LOC128092252: variants seen among roughly 807,000 people sequenced by gnomAD.
chr15:50,682,102 T>C, the LOC128092252 span, among the ~76,000 whole-genome samples: 1 of 137,118 alleles, frequency 7.3e-6, no homozygotes, highest in Non-Finnish European at 1.5e-5. Flanking sequence ...CACTTTAAAC[T>C]GGAAGGCACA....
the LOC128092252 span, chr15:50,686,497 C>A: frequency 6.2e-7 from 1 of 1,614,080 alleles, no homozygotes; most frequent in East Asian, 2.2e-5. Flanking sequence ...AACCCCAGAA[C>A]CATTCCCCGC....
chr15:50,661,395 G>A, the LOC128092252 span, among the ~76,000 whole-genome samples: 1 of 152,076 alleles, frequency 6.6e-6, no homozygotes, highest in Non-Finnish European at 1.5e-5. Context: ...TAAAAATAAA[G>A]CCACCAAATG....
At chr15:50,652,714 AAAAAAC>A in the LOC128092252 span, among the ~76,000 whole-genome samples, 9 of 152,136 alleles carry the variant, frequency 5.9e-5, no homozygotes, top group African/African-American at 2.2e-4. Flanking sequence ...CTGCTTTGGA[AAAAAAC>A]AAAAACAAAA....
the LOC128092252 span, among the ~76,000 whole-genome samples, chr15:50,680,908 T>C: frequency 6.6e-6 from 1 of 152,096 alleles, no homozygotes; most frequent in South Asian, 2.1e-4. Context: ...TCTTTATATA[T>C]AAATAATGGA....
chr15:50,655,437 G>GAAA, the LOC128092252 span, among the ~76,000 whole-genome samples: 9 of 89,358 alleles, frequency 1.0e-4, no homozygotes, highest in South Asian at 3.6e-4. Flanking sequence ...CATCTCAAAG[G>GAAA]AAAAAAAAAA....
chr15:50,677,973 C>T, the LOC128092252 span, among the ~76,000 whole-genome samples: 1 of 152,036 alleles, frequency 6.6e-6, no homozygotes, highest in Middle Eastern at 3.4e-3. Flanking sequence ...GGCGCAGTGG[C>T]TCATGCCTAT....
the LOC128092252 span, among the ~76,000 whole-genome samples, chr15:50,673,575 T>C: frequency 1.3e-5 from 2 of 152,150 alleles, no homozygotes; most frequent in African/African-American, 4.8e-5. Flanking sequence ...TCCAATCTCA[T>C]CCAGGTCACT....
At chr15:50,684,833 G>A in the LOC128092252 span, among the ~76,000 whole-genome samples, 4,444 of 152,172 alleles carry the variant, frequency 0.029, 236 homozygotes, top group African/African-American at 0.1. Context: ...AAGAGTTACC[G>A]ACCAAATGCT....
chr15:50,671,052 AT>A, the LOC128092252 span, among the ~76,000 whole-genome samples: 1 of 152,112 alleles, frequency 6.6e-6, no homozygotes, highest in Non-Finnish European at 1.5e-5. Flanking sequence ...CTCACATACT[AT>A]TTTTTTGTGG....
At chr15:50,656,272 G>A in the LOC128092252 span, among the ~76,000 whole-genome samples, 2 of 151,912 alleles carry the variant, frequency 1.3e-5, no homozygotes, top group Non-Finnish European at 2.9e-5. Context: ...AAGTACAGGG[G>A]CAAATATGAA....
At chr15:50,656,499 CTTTT>C in the LOC128092252 span, among the ~76,000 whole-genome samples, 1 of 133,504 alleles carries the variant, frequency 7.5e-6, no homozygotes, top group Non-Finnish European at 1.6e-5. Flanking sequence ...GTGTGGTTTT[CTTTT>C]TTTTTTTTTT....
the LOC128092252 span, chr15:50,663,112 ATGATAAACACATAAACAGTTCTTTTTT>A: frequency 8.1e-7 from 1 of 1,235,042 alleles, no homozygotes; most frequent in South Asian, 1.3e-5. Flanking sequence ...AAACAATTTC[ATGATAAACACATAAACAGTTCTTTTTT>A]TTTTTTGAGA....
At chr15:50,675,107 C>T in the LOC128092252 span, among the ~76,000 whole-genome samples, 513 of 152,282 alleles carry the variant, frequency 3.4e-3, 6 homozygotes, top group African/African-American at 0.012. Context: ...CTTTGGGAAG[C>T]CGAGGCAGGT....
the LOC128092252 span, among the ~76,000 whole-genome samples, chr15:50,663,589 C>A: frequency 2.6e-5 from 4 of 151,676 alleles, no homozygotes; most frequent in Non-Finnish European, 4.4e-5. Flanking sequence ...AATAGTCAAA[C>A]AGGAGGGAAG....
chr15:50,668,367 T>C, the LOC128092252 span, among the ~76,000 whole-genome samples: 1 of 152,324 alleles, frequency 6.6e-6, no homozygotes, highest in South Asian at 2.1e-4. Flanking sequence ...AGTCAAGGAT[T>C]TGAGCTATTG....
chr15:50,654,369 C>A, the LOC128092252 span, among the ~76,000 whole-genome samples: 1 of 151,126 alleles, frequency 6.6e-6, no homozygotes, highest in Non-Finnish European at 1.5e-5. Flanking sequence ...ATTGCTTGAA[C>A]CCGGGAGGCA....
chr15:50,679,693 G>A, the LOC128092252 span, among the ~76,000 whole-genome samples: 3 of 150,536 alleles, frequency 2.0e-5, no homozygotes, highest in East Asian at 5.9e-4. Context: ...ACACCATCAC[G>A]TCCAGCTGAT....
chr15:50,658,468 G>A, the LOC128092252 span, among the ~76,000 whole-genome samples: 1 of 151,868 alleles, frequency 6.6e-6, no homozygotes, highest in Non-Finnish European at 1.5e-5. Context: ...TACTAGGGAG[G>A]CTGAGGTGGG....
chr15:50,660,978 CT>C, the LOC128092252 span, among the ~76,000 whole-genome samples: 467 of 142,452 alleles, frequency 3.3e-3, no homozygotes, highest in Middle Eastern at 3.6e-3. Flanking sequence ...ACTACCATTC[CT>C]TTTTTTTTTT....
Sources: allele counts gnomAD v4.1 joint callset (sites outside exome capture counted in the v4.1 genomes callset), GRCh38; gene constraint gnomAD v4.1.1; transcripts MANE v1.5.